ASAP1: variants seen among roughly 807,000 people sequenced by gnomAD.
ASAP1 encodes the protein ArfGAP with SH3 domain, ankyrin repeat and PH domain 1.
In ASAP1, 43 loss-of-function variants were observed where a neutral mutation model predicts 145.2. That is an observed-to-expected ratio of 0.30 (90% confidence interval 0.23 to 0.38). The LOEUF (loss-of-function observed/expected upper bound fraction) is 0.38. Among genes scored for constraint, ASAP1 ranks in the 10% least tolerant of loss-of-function variants. The pLI is 1.00. For synonymous variants in ASAP1, 546 were observed against 515.5 expected, an observed-to-expected ratio of 1.06 and a Z score of -0.80; for missense variants, 1,018 against 1,355.3, an observed-to-expected ratio of 0.75 and a Z score of 3.91.
intron 12 of ASAP1, among the ~76,000 whole-genome samples, chr8:130,153,892 T>C (rs1252032811): frequency 6.6e-6 from 1 of 152,158 alleles, no homozygotes; most frequent in East Asian, 1.9e-4. Context: ...TAATAATTGA[T>C]TTTTAAAAAT....
intron 5 of ASAP1, among the ~76,000 whole-genome samples, chr8:130,205,310 T>C (rs1816135558): frequency 6.8e-6 from 1 of 147,164 alleles, no homozygotes; most frequent in African/African-American, 2.6e-5. Context: ...AGCCACAAGC[T>C]GAAAATGCAA....
intron 14 of ASAP1, 59 bp from the exon 15 acceptor site, chr8:130,134,403 C>T: frequency 2.7e-6 from 3 of 1,126,668 alleles, no homozygotes; most frequent in Non-Finnish European, 2.5e-6. Context: ...CTTTCAGGTA[C>T]AACACAGATT....
intron 2 of ASAP1, among the ~76,000 whole-genome samples, chr8:130,369,303 G>A (rs1827106107): frequency 1.3e-5 from 2 of 152,136 alleles, no homozygotes; most frequent in African/African-American, 2.4e-5. Context: ...TATACACATA[G>A]CCTGAAGGTA....
intron 3 of ASAP1, 135 bp from the exon 4 acceptor site, chr8:130,237,129 G>GA: frequency 1.6e-6 from 1 of 628,310 alleles, no homozygotes; most frequent in Non-Finnish European, 2.6e-6. Flanking sequence ...CATTAACAAT[G>GA]AATCATATCA....
At chr8:130,156,504 T>C (rs2097658460) in intron 12 of ASAP1, among the ~76,000 whole-genome samples, 1 of 152,208 alleles carries the variant, frequency 6.6e-6, no homozygotes, top group Non-Finnish European at 1.5e-5. Flanking sequence ...GGCTGCCTCA[T>C]ACACTAGAGT....
chr8:130,114,887 GCC>G (rs1164351880), intron 23 of ASAP1, among the ~76,000 whole-genome samples: 1 of 150,846 alleles, frequency 6.6e-6, no homozygotes, highest in Admixed American at 6.6e-5. Context: ...CAATCCTCCT[GCC>G]TCAGCTTGTC....
At chr8:130,222,476 G>T (rs1237861495) in intron 4 of ASAP1, among the ~76,000 whole-genome samples, 1 of 152,172 alleles carries the variant, frequency 6.6e-6, no homozygotes, top group Non-Finnish European at 1.5e-5. Context: ...AAACTCAGTG[G>T]TGAAGAAAGG....
At chr8:130,309,911 G>T (rs540044722) in intron 3 of ASAP1, among the ~76,000 whole-genome samples, 2 of 152,144 alleles carry the variant, frequency 1.3e-5, no homozygotes, top group African/African-American at 4.8e-5. Flanking sequence ...AACTCAGCAT[G>T]AGTCTTTAGA....
At chr8:130,398,870 C>T (rs959086365) in intron 2 of ASAP1, among the ~76,000 whole-genome samples, 1 of 152,218 alleles carries the variant, frequency 6.6e-6, no homozygotes, top group East Asian at 1.9e-4. Context: ...CCTGTCAGCA[C>T]GATCTTTCAA....
Position 130,054,535 on chromosome 8 carries a change from T to G in ASAP1, c.*196A>C. Reference sequence around the variant, plus strand: ...TGGCAAACCAGTAAGGCGCGCCGGGTCCGAGGCTACCCTCATACTGGTGAA... The same window carrying G: ...TGGCAAACCAGTAAGGCGCGCCGGGGCCGAGGCTACCCTCATACTGGTGAA... On this transcript the variant is annotated 3_prime_UTR_variant, in exon 30 of 30. Coordinates refer to ENST00000518721, the MANE Select transcript of ASAP1 (RefSeq NM_018482.4). 1 of 506,278 alleles carries G rather than the reference T, an allele frequency of 2.0e-6. No homozygotes were observed. The highest frequency in any genetic ancestry group is 3.7e-6 in the Non-Finnish European group (1 of 273,854). 31.4% of individuals were successfully genotyped at this position (506,278 alleles called of 1,614,324 possible). A position where few individuals can be genotyped will look rare whatever the true frequency, so the allele number is the denominator to read the frequency against.
At chr8:130,439,537 T>C (rs1322347018) in intron 1 of ASAP1, among the ~76,000 whole-genome samples, 1 of 152,020 alleles carries the variant, frequency 6.6e-6, no homozygotes, top group Non-Finnish European at 1.5e-5. Context: ...GCACTTATTA[T>C]CTGGTAAGGC....
chr8:130,431,541 C>T (rs1051095090), intron 1 of ASAP1, among the ~76,000 whole-genome samples: 1 of 152,196 alleles, frequency 6.6e-6, no homozygotes, highest in African/African-American at 2.4e-5. Context: ...CCATTCTTTA[C>T]TGGCTGGTTC....
chr8:130,339,215 A>G (rs1419136499), intron 3 of ASAP1, among the ~76,000 whole-genome samples: 3 of 152,216 alleles, frequency 2.0e-5, no homozygotes, highest in South Asian at 2.1e-4. Flanking sequence ...CACCCTCTCT[A>G]AAGTTTCAAG....
intron 12 of ASAP1, among the ~76,000 whole-genome samples, chr8:130,158,721 C>G (rs976326361): frequency 6.6e-6 from 1 of 151,538 alleles, no homozygotes; most frequent in Non-Finnish European, 1.5e-5. Flanking sequence ...TTTAAGCAGG[C>G]GAATGACATC....
intron 2 of ASAP1, among the ~76,000 whole-genome samples, chr8:130,394,305 T>A (rs1431064582): frequency 1.3e-5 from 2 of 152,200 alleles, no homozygotes; most frequent in African/African-American, 2.4e-5. Context: ...GGTAGGTCTC[T>A]GAAATGGCCC....
intron 11 of ASAP1, among the ~76,000 whole-genome samples, chr8:130,163,871 A>G (rs570072658): frequency 2.0e-5 from 3 of 152,360 alleles, no homozygotes; most frequent in African/African-American, 7.2e-5. Flanking sequence ...AGTATAGACA[A>G]ATCACTTTCT....
intron 11 of ASAP1, 96 bp downstream of exon 11, chr8:130,167,440 T>C: frequency 1.0e-6 from 1 of 957,810 alleles, no homozygotes; most frequent in Non-Finnish European, 1.7e-6. Context: ...ATATTATATA[T>C]CACTGTGCCT....
At chr8:130,065,314 G>A (rs1030993071) in intron 27 of ASAP1, among the ~76,000 whole-genome samples, 3 of 152,196 alleles carry the variant, frequency 2.0e-5, no homozygotes, top group African/African-American at 4.8e-5. Context: ...CTCCCGGCAC[G>A]TGAGCGAGTT....
chr8:130,142,573 G>A (rs2097614608), intron 13 of ASAP1, among the ~76,000 whole-genome samples: 1 of 152,094 alleles, frequency 6.6e-6, no homozygotes, highest in Non-Finnish European at 1.5e-5. Context: ...ATTACGTATG[G>A]GGGCCCAGGG....
Sources: gnomAD v4.1 joint callset for allele counts (sites outside exome capture counted in the v4.1 genomes callset) on GRCh38, gnomAD v4.1.1 for gene constraint, MANE v1.5 for transcripts, NCBI Gene and HGNC (gene_info 2026-07-23, HGNC 2026-07-21) for gene names.